ADGRV1: variants seen among roughly 807,000 people sequenced by gnomAD.
ADGRV1 encodes adhesion G protein-coupled receptor V1.
Under a neutral mutation model 596.2 loss-of-function variants are expected in ADGRV1, and 359 were observed. The observed-to-expected ratio is 0.60, with a 90% CI of 0.55 to 0.66. The LOEUF (loss-of-function observed/expected upper bound fraction) is 0.66. Ranked by LOEUF, ADGRV1 falls within the 30% of genes least tolerant of loss-of-function variation. ADGRV1 has a pLI of 0.00. For synonymous variants in ADGRV1, 2,681 were observed against 2,679.2 expected (o/e 1.00, Z -0.02); for missense variants, 7,274 against 7,575.6 (o/e 0.96, Z 1.48).
At chr5:90,670,897 T>C (rs1488210631) in intron 21 of ADGRV1, among the ~76,000 whole-genome samples, 2 of 152,170 alleles carry the variant, frequency 1.3e-5, no homozygotes, top group Non-Finnish European at 2.9e-5. Flanking sequence ...ACAAGCACCA[T>C]CATCTGAAGG....
At chr5:91,068,564 A>G (rs1788093236) in intron 85 of ADGRV1, among the ~76,000 whole-genome samples, 1 of 152,018 alleles carries the variant, frequency 6.6e-6, no homozygotes, top group African/African-American at 2.4e-5. Flanking sequence ...AATACCTAAG[A>G]ATACCTCTGG....
chr5:90,610,610 T>C (rs1762621679), intron 1 of ADGRV1, among the ~76,000 whole-genome samples: 1 of 151,968 alleles, frequency 6.6e-6, no homozygotes, highest in South Asian at 2.1e-4. Context: ...GTGGTGTCCT[T>C]TCATGAATCC....
At chr5:90,563,772 T>C (rs1223532644) in intron 1 of ADGRV1, among the ~76,000 whole-genome samples, 2 of 152,266 alleles carry the variant, frequency 1.3e-5, no homozygotes, top group African/African-American at 4.8e-5. Context: ...AGGCATATTG[T>C]GGAAATAAAG....
intron 83 of ADGRV1, among the ~76,000 whole-genome samples, chr5:90,923,631 T>C (rs1774097768): frequency 6.6e-6 from 1 of 151,414 alleles, no homozygotes; most frequent in Admixed American, 6.6e-5. Flanking sequence ...TTATTTGTTC[T>C]TTTTTTTTAT....
rs1797044171 is a variant in ADGRV1 at position 91,162,545 on chromosome 5, T to C, written c.18803-1237T>C. Among the ~76,000 whole-genome samples, 3 of 152,056 alleles carry C rather than the reference T, an allele frequency of 2.0e-5. No homozygotes were observed. The South Asian group carries it at 6.2e-4, about 32-fold the overall frequency. On this transcript the variant is annotated intron_variant, in intron 89 of 89. Transcript: ENST00000405460. ...TTGAGACAGGGCAGAAAACAAGGCCTCCAGAAATGAGGCAGCAGGAGGAAG... is the reference window on the plus strand; with the variant it reads ...TTGAGACAGGGCAGAAAACAAGGCCCCCAGAAATGAGGCAGCAGGAGGAAG...
Position 90,745,096 on chromosome 5 carries a change from T to A in ADGRV1, c.10600T>A (p.Ser3534Thr). ...TATGTCTGCTCTTTACTGCTGGAAT[T>A]CGGAGCGTAATCAATTCTCTTTTGT... ...QDMSALYCWN[S>T]ERNQFSFVLE... The change falls in exon 51 of 90, where the codon TCG (serine) becomes ACG (threonine). Residue 3534 changes from serine to threonine, a missense_variant. Transcript: ENST00000405460. 1 of 1,613,854 alleles carries A rather than the reference T, an allele frequency of 6.2e-7. No homozygotes were observed.
rs371348667 is a variant in ADGRV1, at chr5:90,676,174, C to A, written c.5408C>A (p.Ser1803Tyr). The change falls in exon 25 of 90, where the codon TCT becomes TAT. Residue 1803 changes from serine (S) to tyrosine (Y), a missense_variant. This residue lies in a region of ADGRV1 where 3,643 missense variants were observed against 3,809.2 expected (regional missense o/e 0.96). Coordinates refer to ENST00000405460, the MANE Select transcript of ADGRV1 (RefSeq NM_032119.4). ...AATTCTATTCCTGAACTGGAAAAATCTTTTAAAGTTGAGTTGTTAAACTTG... is the reference window on the plus strand; with the variant it reads ...AATTCTATTCCTGAACTGGAAAAATATTTTAAAGTTGAGTTGTTAAACTTG... ...TDNSIPELEKSFKVELLNLEG... is the reference protein window; with the variant it reads ...TDNSIPELEKYFKVELLNLEG... The A allele has an allele frequency of 3.7e-5, 60 of 1,605,906 alleles. No individual in the cohort carries two copies. The Admixed American group carries it at 5.1e-4, about 14-fold the overall frequency.
At chr5:90,649,325 A>G (rs1768258923) in intron 17 of ADGRV1, among the ~76,000 whole-genome samples, 2 of 152,192 alleles carry the variant, frequency 1.3e-5, no homozygotes, top group African/African-American at 4.8e-5. Flanking sequence ...TACTCTAGAA[A>G]TAAGTTCTTG....
chr5:91,116,767 A>T (rs1165424078), intron 87 of ADGRV1, among the ~76,000 whole-genome samples: 1 of 152,196 alleles, frequency 6.6e-6, no homozygotes, highest in Non-Finnish European at 1.5e-5. Flanking sequence ...GGCCAGTACC[A>T]TACTGTCAGT....
At position 90,683,963 on chromosome 5, in the gene ADGRV1, A is replaced by G. The variant is rs531764127; in HGVS notation, c.6042A>G (p.Ser2014=). The G allele has an allele frequency of 7.4e-6, 12 of 1,613,834 alleles. No homozygotes were observed. The highest frequency in any genetic ancestry group is 1.3e-5 in the African/African-American group (1 of 74,938). The change falls in exon 28 of 90, where the codon TCA becomes TCG. Residue 2014 remains serine (S), a synonymous_variant. Transcript: ENST00000405460. ...GCCTCATGGGAAAAGTCCTTGTCTC[A>G]TATGCAACACTAGATGATATGGAAA... is the stretch of plus-strand genomic sequence containing the variant. The part of the protein sequence containing the change: ...LKGLMGKVLV[S]YATLDDMEKP...
At chr5:90,699,319 G>A (rs946471465) in intron 34 of ADGRV1, among the ~76,000 whole-genome samples, 27 of 152,166 alleles carry the variant, frequency 1.8e-4, no homozygotes, top group Non-Finnish European at 8.8e-5. Context: ...TTCACAGCAT[G>A]AAGTTTTGAG....
intron 1 of ADGRV1, among the ~76,000 whole-genome samples, chr5:90,607,700 T>C (rs1181355112): frequency 6.6e-6 from 1 of 152,190 alleles, no homozygotes; most frequent in Non-Finnish European, 1.5e-5. Flanking sequence ...AGTGGTTCAC[T>C]CGTTCACTGA....
intron 53 of ADGRV1, 97 bp from the exon 54 acceptor site, chr5:90,753,477 G>A: frequency 1.2e-6 from 1 of 832,338 alleles, no homozygotes; most frequent in Non-Finnish European, 1.9e-6. Context: ...TGCTATTTAA[G>A]TTATAGGTTT....
intron 87 of ADGRV1, among the ~76,000 whole-genome samples, chr5:91,148,583 C>G (rs1393427699): frequency 6.6e-6 from 1 of 152,228 alleles, no homozygotes; most frequent in African/African-American, 2.4e-5. Flanking sequence ...CAGAAGTTTT[C>G]TGCAGGGGTG....
rs372811957 is a variant in ADGRV1 at position 90,853,329 on chromosome 5, T to A, written c.17250T>A (p.Ala5750=). The part of the protein sequence containing the change: ...LDSCPYLSIL[A]LHWYPQQING... Reference sequence around the variant, plus strand: ...GTTGCCCATATTTGTCAATATTGGCTCTTCACTGGTATCCTCAGCAAATCA... The same window carrying A: ...GTTGCCCATATTTGTCAATATTGGCACTTCACTGGTATCCTCAGCAAATCA... The change falls in exon 80 of 90, where the codon GCT becomes GCA. Residue 5750 remains alanine, a synonymous_variant. Transcript: ENST00000405460. The A allele has an allele frequency of 1.2e-6, 2 of 1,612,766 alleles. No homozygotes were observed. The highest frequency in any genetic ancestry group is 1.7e-6 in the Non-Finnish European group (2 of 1,179,158).
chr5:90,745,995 A>T (rs1344037620), intron 52 of ADGRV1, among the ~76,000 whole-genome samples, 200 bp downstream of exon 52: 1 of 151,910 alleles, frequency 6.6e-6, no homozygotes, highest in Non-Finnish European at 1.5e-5. Flanking sequence ...TACACACTGG[A>T]CTCTGAGTCA....
chr5:90,614,850 C>A lies in ADGRV1; in HGVS notation c.38C>A (p.Ser13Tyr). The A allele has an allele frequency of 6.2e-7, 1 of 1,609,170 alleles. No homozygotes were observed. The highest frequency in any genetic ancestry group is 1.1e-5 in the South Asian group (1 of 90,654). ...TTTGTTTTAGGGATGCCCTCTGCAT[C>A]TTTATTAGTAAATCTTCTTTCAGCT... Reference protein sequence around the residue: ...VFLGPGMPSASLLVNLLSALL... With the variant: ...VFLGPGMPSAYLLVNLLSALL... Residue 13 changes from serine to tyrosine, a missense_variant, in exon 2 of 90, where the codon TCT becomes TAT. By Grantham distance (144) the Ser-to-Tyr change is moderately radical. This residue lies in a region of ADGRV1 where 1,715 missense variants were observed against 1,708.8 expected (regional missense o/e 1.00). Coordinates refer to ENST00000405460, the MANE Select transcript of ADGRV1 (RefSeq NM_032119.4).
chr5:90,648,518 C>T (rs1025823400), intron 17 of ADGRV1, among the ~76,000 whole-genome samples: 2 of 152,124 alleles, frequency 1.3e-5, no homozygotes, highest in African/African-American at 4.8e-5. Context: ...ACGTTTGCAT[C>T]GGGTCACCAT....
chr5:90,809,729 T>C (rs920024503), intron 73 of ADGRV1, among the ~76,000 whole-genome samples: 4 of 152,198 alleles, frequency 2.6e-5, no homozygotes, highest in South Asian at 4.1e-4. Flanking sequence ...AATAAATGAT[T>C]CTATCATGGG....
Sources: allele counts gnomAD v4.1 joint callset (sites outside exome capture counted in the v4.1 genomes callset), GRCh38; gene constraint gnomAD v4.1.1; regional missense constraint gnomAD v4.1.1; transcripts MANE v1.5; gene names NCBI Gene and HGNC (gene_info 2026-07-23, HGNC 2026-07-21).